Variants in FOLH1 observed in about 807,000 individuals in gnomAD.
FOLH1 encodes the protein glutamate carboxypeptidase 2.
A neutral mutation model predicts 93.9 loss-of-function variants in FOLH1; 54 were observed. The observed-to-expected ratio is 0.57, with a 90% confidence interval of 0.46 to 0.72. The LOEUF (loss-of-function observed/expected upper bound fraction) is 0.72. FOLH1 is among the 30% of genes least tolerant of loss of function. The probability of loss-of-function intolerance (pLI) is 0.00; values close to 1 mark genes in which losing one functional copy is unlikely to be tolerated. For synonymous variants in FOLH1, 249 were observed against 303.6 expected (o/e 0.82, Z 1.87); for missense variants, 571 against 892.5 (o/e 0.64, Z 4.59).
chr11:49,178,127 T>G (rs2135134483), intron 7 of FOLH1, among the ~76,000 whole-genome samples: 1 of 152,202 alleles, frequency 6.6e-6, no homozygotes, highest in Non-Finnish European at 1.5e-5. Context: ...AAGATTAGGG[T>G]GGGGCCACCA....
chr11:49,187,343 T>A (rs1486438432), intron 4 of FOLH1, among the ~76,000 whole-genome samples: 3 of 152,132 alleles, frequency 2.0e-5, no homozygotes, highest in African/African-American at 7.2e-5. Flanking sequence ...TCTTCCAACC[T>A]TTTTTGCTCA....
intron 12 of FOLH1, among the ~76,000 whole-genome samples, chr11:49,166,124 C>A (rs896511916): frequency 6.6e-6 from 1 of 152,104 alleles, no homozygotes; most frequent in Non-Finnish European, 1.5e-5. Flanking sequence ...TTTTTGTTGT[C>A]TGGTGGTAGT....
chr11:49,197,226 A>G (rs1423209779), intron 3 of FOLH1, among the ~76,000 whole-genome samples: 1 of 152,228 alleles, frequency 6.6e-6, no homozygotes, highest in Non-Finnish European at 1.5e-5. Context: ...ATTTGCCTTT[A>G]TGGTAATCAA....
intron 6 of FOLH1, among the ~76,000 whole-genome samples, chr11:49,184,406 A>C (rs1425165232): frequency 1.3e-5 from 2 of 152,188 alleles, no homozygotes; most frequent in African/African-American, 2.4e-5. Flanking sequence ...ACCATCATTC[A>C]AATTTGAAGA....
intron 1 of FOLH1, chr11:49,207,760 T>A (rs1165043083): frequency 2.5e-6 from 1 of 401,060 alleles, no homozygotes; most frequent in Non-Finnish European, 4.9e-6. Context: ...GAGTCTGAGC[T>A]TGCCTGTGTG....
At chr11:49,173,305 T>A (rs1859592065) in intron 10 of FOLH1, 52 bp downstream of exon 10, 3 of 1,575,964 alleles carry the variant, frequency 1.9e-6, no homozygotes, top group South Asian at 2.4e-5. Context: ...TACAGAAGAC[T>A]AAACTGAGAC....
intron 4 of FOLH1, among the ~76,000 whole-genome samples, chr11:49,189,927 G>C (rs546905305): frequency 6.6e-6 from 1 of 152,112 alleles, no homozygotes; most frequent in Non-Finnish European, 1.5e-5. Flanking sequence ...ACTGACATTT[G>C]AATCTTTGCC....
chr11:49,150,335 T>C (rs557698545), intron 17 of FOLH1, among the ~76,000 whole-genome samples: 2 of 152,284 alleles, frequency 1.3e-5, no homozygotes, highest in Middle Eastern at 3.4e-3. Context: ...TGCTCAGGCT[T>C]ATAAAAGCAC....
chr11:49,194,518 C>T (rs1028743514), intron 3 of FOLH1, among the ~76,000 whole-genome samples: 4 of 151,792 alleles, frequency 2.6e-5, no homozygotes, highest in Middle Eastern at 3.4e-3. Context: ...TGAAAGTGTT[C>T]TAAGGTTTCT....
rs1391177091 is a variant in FOLH1 at position 49,146,389 on chromosome 11, T to C, written c.*367A>G. Among the ~76,000 whole-genome samples the C allele has an allele frequency of 6.6e-6, 1 of 152,192 alleles. No homozygotes were observed. Among genetic ancestry groups the C allele is most frequent in the East Asian group, 1.9e-4 (1 of 5,174 alleles). ...CTCTGGCTTGGGATAATCTTGTGCA[T>C]ATTCCCCAGTGTGCTCTCTGACATA... On this transcript the variant is annotated 3_prime_UTR_variant, in exon 19 of 19. Coordinates refer to ENST00000256999, the MANE Select transcript of FOLH1 (RefSeq NM_004476.3).
intron 13 of FOLH1, among the ~76,000 whole-genome samples, chr11:49,159,658 A>AG (rs889551027): frequency 3.2e-4 from 48 of 152,234 alleles, no homozygotes; most frequent in African/African-American, 1.2e-3. Flanking sequence ...TTAGTTAGGG[A>AG]GGAGTCTCTC....
At chr11:49,198,755 AG>A (rs1166889845) in intron 3 of FOLH1, among the ~76,000 whole-genome samples, 1 of 151,304 alleles carries the variant, frequency 6.6e-6, no homozygotes, top group Non-Finnish European at 1.5e-5. Flanking sequence ...AATATATTTT[AG>A]GGTTTTTTTA....
chr11:49,207,853 G>A (rs1286062626), intron 1 of FOLH1: 1 of 458,006 alleles, frequency 2.2e-6, no homozygotes, highest in East Asian at 6.9e-5. Flanking sequence ...GTAAAGACCT[G>A]TCCAGATTGC....
chr11:49,192,936 G>T, intron 3 of FOLH1, 42 bp from the exon 4 acceptor site: 1 of 1,501,356 alleles, frequency 6.7e-7, no homozygotes, highest in Middle Eastern at 1.8e-4. Context: ...AACAGTTAAA[G>T]TTTGATTACT....
chr11:49,168,374 GA>G (rs1858720945), intron 12 of FOLH1, among the ~76,000 whole-genome samples: 1 of 152,104 alleles, frequency 6.6e-6, no homozygotes, highest in Non-Finnish European at 1.5e-5. Flanking sequence ...GGATTGTAGT[GA>G]AAATGGACTC....
intron 3 of FOLH1, among the ~76,000 whole-genome samples, chr11:49,199,919 A>G (rs533631879): frequency 5.3e-5 from 8 of 152,056 alleles, no homozygotes; most frequent in African/African-American, 1.9e-4. Context: ...CTGGAAAAAA[A>G]AAAAAGAAAA....
At chr11:49,156,666 T>A in intron 15 of FOLH1, 51 bp downstream of exon 15, 1 of 1,609,436 alleles carries the variant, frequency 6.2e-7, no homozygotes. Flanking sequence ...AATTATTTGT[T>A]TAGTTAAAAC....
chr11:49,146,107 C>A lies in FOLH1; in HGVS notation c.*649G>T, dbSNP rs1478114845. On this transcript the variant is annotated 3_prime_UTR_variant, in exon 19 of 19. Coordinates refer to ENST00000256999, the MANE Select transcript of FOLH1 (RefSeq NM_004476.3). ...CATAAAATTCAAGAAAATGCAAAAG[C>A]ATAACTGTCATTAGTACATGGGGCA... is the stretch of plus-strand genomic sequence containing the variant. Among the ~76,000 whole-genome samples, 4 of 152,066 alleles carry A rather than the reference C, an allele frequency of 2.6e-5. No homozygotes were observed. The highest frequency in any genetic ancestry group is 5.9e-5 in the Non-Finnish European group (4 of 68,006).
intron 3 of FOLH1, among the ~76,000 whole-genome samples, chr11:49,193,869 C>T (rs1862328707): frequency 6.6e-6 from 1 of 151,830 alleles, no homozygotes; most frequent in Non-Finnish European, 1.5e-5. Flanking sequence ...CTAAGAACAA[C>T]AATATCCTGG....
Sources: gnomAD v4.1 joint callset for allele counts (sites outside exome capture counted in the v4.1 genomes callset) on GRCh38, gnomAD v4.1.1 for gene constraint, MANE v1.5 for transcripts, NCBI Gene and HGNC (gene_info 2026-07-23, HGNC 2026-07-21) for gene names.